Variants in NAALADL2 observed in about 807,000 individuals in gnomAD.
The protein encoded by NAALADL2 is N-acetylated alpha-linked acidic dipeptidase like 2.
Under a neutral mutation model 87.2 loss-of-function variants are expected in NAALADL2, and 76 were observed. The observed-to-expected ratio is 0.87, with a 90% CI of 0.72 to 1.05. NAALADL2 has a LOEUF of 1.05. Among genes scored for constraint, NAALADL2 ranks in the 50% least tolerant of loss-of-function variants. The pLI, the probability that NAALADL2 is intolerant of heterozygous loss-of-function variation, is 0.00. For synonymous variants in NAALADL2, 354 were observed against 331.0 expected, an observed-to-expected ratio of 1.07 and a Z score of -0.75; for missense variants, 1,089 against 945.8, an observed-to-expected ratio of 1.15 and a Z score of -1.99.
chr3:175,452,024 T>C (rs1226610360), intron 6 of NAALADL2, among the ~76,000 whole-genome samples: 1 of 152,178 alleles, frequency 6.6e-6, no homozygotes, highest in Non-Finnish European at 1.5e-5. Context: ...TATCTACAAG[T>C]TGTAGTTACA....
intron 4 of NAALADL2, among the ~76,000 whole-genome samples, chr3:175,274,321 C>T (rs186083707): frequency 9.9e-5 from 15 of 152,262 alleles, no homozygotes; most frequent in Admixed American, 2.0e-4. Flanking sequence ...CTTCCTCCCA[C>T]GACACGTGGG....
chr3:174,948,676 A>G (rs1165635539), intron 1 of NAALADL2, among the ~76,000 whole-genome samples: 2 of 152,000 alleles, frequency 1.3e-5, no homozygotes, highest in Admixed American at 6.6e-5. Context: ...TCTTTCTTCC[A>G]TGATGTCAGG....
At chr3:174,825,201 C>T (rs1319999018) in intron 3 of NAALADL2, among the ~76,000 whole-genome samples, 5 of 152,202 alleles carry the variant, frequency 3.3e-5, no homozygotes, top group Admixed American at 3.3e-4. Context: ...GATATACTAC[C>T]TGCAAGCTGG....
chr3:174,848,165 CATTTT>C (rs988521224), intron 3 of NAALADL2, among the ~76,000 whole-genome samples: 2 of 152,056 alleles, frequency 1.3e-5, no homozygotes, highest in Non-Finnish European at 2.9e-5. Flanking sequence ...GTATTTGTAA[CATTTT>C]ATATACCAAG....
At chr3:175,203,803 C>T (rs1000796299) in intron 2 of NAALADL2, among the ~76,000 whole-genome samples, 1 of 152,144 alleles carries the variant, frequency 6.6e-6, no homozygotes, top group African/African-American at 2.4e-5. Flanking sequence ...TCATTCAAGG[C>T]TACTATGAAT....
chr3:175,672,169 A>G (rs918866909), intron 11 of NAALADL2, among the ~76,000 whole-genome samples: 3 of 152,158 alleles, frequency 2.0e-5, no homozygotes, highest in Admixed American at 6.6e-5. Context: ...AACTGGAGTC[A>G]AGAGTTAATC....
intron 1 of NAALADL2, among the ~76,000 whole-genome samples, chr3:175,087,448 C>T (rs925465620): frequency 2.8e-4 from 43 of 152,142 alleles, no homozygotes; most frequent in African/African-American, 7.7e-4. Flanking sequence ...ATGACGATGG[C>T]GGTTTTGTCG....
At chr3:174,487,440 T>C (rs1233053843) in intron 1 of NAALADL2, among the ~76,000 whole-genome samples, 1 of 152,084 alleles carries the variant, frequency 6.6e-6, no homozygotes, top group African/African-American at 2.4e-5. Flanking sequence ...TTTGGTCTAA[T>C]AGAGCATGAA....
At chr3:175,133,585 G>A (rs888722584) in intron 2 of NAALADL2, among the ~76,000 whole-genome samples, 10 of 152,168 alleles carry the variant, frequency 6.6e-5, no homozygotes, top group Admixed American at 1.3e-4. Flanking sequence ...AGTCAGGCGT[G>A]GCGGCGCGCG....
At chr3:175,391,438 AGCT>A (rs1373654367) in intron 5 of NAALADL2, among the ~76,000 whole-genome samples, 2 of 152,208 alleles carry the variant, frequency 1.3e-5, no homozygotes, top group Non-Finnish European at 2.9e-5. Flanking sequence ...GAGAGAAGCC[AGCT>A]GCCATATTGC....
intron 2 of NAALADL2, among the ~76,000 whole-genome samples, chr3:174,609,158 G>A (rs1719483051): frequency 6.6e-6 from 1 of 152,252 alleles, no homozygotes; most frequent in Non-Finnish European, 1.5e-5. Flanking sequence ...TTGATGGGAT[G>A]TATGTCAAAA....
chr3:174,648,841 T>C (rs967967574), intron 2 of NAALADL2, among the ~76,000 whole-genome samples: 1 of 152,210 alleles, frequency 6.6e-6, no homozygotes, highest in Non-Finnish European at 1.5e-5. Context: ...CCTGTATCTG[T>C]AGACATAACA....
At chr3:175,284,804 CCT>C (rs1049420226) in intron 4 of NAALADL2, among the ~76,000 whole-genome samples, 1 of 152,012 alleles carries the variant, frequency 6.6e-6, no homozygotes, top group African/African-American at 2.4e-5. Flanking sequence ...ACAAAGGTAT[CCT>C]CCTACATGTG....
intron 13 of NAALADL2, among the ~76,000 whole-genome samples, chr3:175,765,687 C>T (rs1052901954): frequency 1.3e-5 from 2 of 151,968 alleles, no homozygotes; most frequent in African/African-American, 4.8e-5. Context: ...AAGTCAAGAC[C>T]CATTGCCAGT....
chr3:175,377,347 T>A (rs1767257525), intron 5 of NAALADL2, among the ~76,000 whole-genome samples: 1 of 152,160 alleles, frequency 6.6e-6, no homozygotes, highest in Non-Finnish European at 1.5e-5. Context: ...AATTTGTTTA[T>A]AATAGTTTGG....
At chr3:175,156,501 C>T (rs566307970) in intron 2 of NAALADL2, among the ~76,000 whole-genome samples, 6 of 152,108 alleles carry the variant, frequency 3.9e-5, no homozygotes, top group South Asian at 4.2e-4. Context: ...AAATAATACT[C>T]GTCACAGCTT....
intron 3 of NAALADL2, among the ~76,000 whole-genome samples, chr3:174,800,819 A>G (rs938060863): frequency 1.3e-5 from 2 of 152,226 alleles, no homozygotes; most frequent in African/African-American, 4.8e-5. Context: ...TTGCATCAGC[A>G]TGACCTGGAT....
At chr3:175,002,126 A>G (rs1748319024) in intron 1 of NAALADL2, among the ~76,000 whole-genome samples, 1 of 152,164 alleles carries the variant, frequency 6.6e-6, no homozygotes, top group South Asian at 2.1e-4. Flanking sequence ...TTACCTAAAA[A>G]AAATTTAGGT....
chr3:175,442,210 G>T (rs1719894535), intron 5 of NAALADL2, among the ~76,000 whole-genome samples: 1 of 152,032 alleles, frequency 6.6e-6, no homozygotes, highest in African/African-American at 2.4e-5. Flanking sequence ...CTCTCAAAGT[G>T]CTTGGATTAC....
Sources: gnomAD v4.1 joint callset for allele counts (sites outside exome capture counted in the v4.1 genomes callset) on GRCh38, gnomAD v4.1.1 for gene constraint, MANE v1.5 for transcripts, NCBI Gene and HGNC (gene_info 2026-07-23, HGNC 2026-07-21) for gene names.